The following CTNNA2 variants were observed in gnomAD, a reference collection of about 807,000 sequenced individuals.
CTNNA2 encodes the protein catenin alpha 2, also known as catenin alpha-2.
A neutral mutation model predicts 101.0 loss-of-function variants in CTNNA2; 42 were observed. The ratio of observed to expected loss-of-function variants is 0.42; its 90% CI spans 0.32 to 0.54. CTNNA2 has a LOEUF of 0.54. Among genes scored for constraint, CTNNA2 ranks in the 20% least tolerant of loss-of-function variants. CTNNA2 has a pLI of 0.14. For missense variants in CTNNA2, 871 were observed against 1,223.1 expected (o/e 0.71, Z 4.29); for synonymous variants, 450 against 456.4 (o/e 0.99, Z 0.18).
intron 7 of CTNNA2, among the ~76,000 whole-genome samples, chr2:80,277,993 T>C (rs941910853): frequency 6.6e-6 from 1 of 152,166 alleles, no homozygotes; most frequent in Non-Finnish European, 1.5e-5. Context: ...TTCATTGATT[T>C]TGTCTTTCTG....
intron 1 of CTNNA2, among the ~76,000 whole-genome samples, chr2:79,616,558 ACCATTG>A (rs1417983748): frequency 2.0e-5 from 3 of 152,210 alleles, no homozygotes; most frequent in Non-Finnish European, 4.4e-5. Context: ...GCTACAACTT[ACCATTG>A]TAAAAACCAC....
chr2:79,671,362 GAGTAC>G (rs1307433203), intron 2 of CTNNA2, among the ~76,000 whole-genome samples: 1 of 152,190 alleles, frequency 6.6e-6, no homozygotes, highest in Non-Finnish European at 1.5e-5. Flanking sequence ...TCAAGTTCCT[GAGTAC>G]TTTTTCCCCA....
intron 7 of CTNNA2, among the ~76,000 whole-genome samples, chr2:80,094,656 T>C (rs1033108036): frequency 1.6e-4 from 25 of 152,198 alleles, no homozygotes; most frequent in Non-Finnish European, 2.8e-4. Flanking sequence ...TGTTCTTCCA[T>C]TTGTTTGTAT....
chr2:80,469,274 T>A (rs746581730), intron 9 of CTNNA2, among the ~76,000 whole-genome samples: 9 of 152,220 alleles, frequency 5.9e-5, no homozygotes, highest in Non-Finnish European at 1.3e-4. Context: ...AAGAAGTTCA[T>A]TATATGCCTG....
intron 2 of CTNNA2, among the ~76,000 whole-genome samples, chr2:79,259,913 G>C (rs563064623): frequency 5.3e-5 from 8 of 152,344 alleles, no homozygotes; most frequent in African/African-American, 1.9e-4. Flanking sequence ...TATTTGGTCA[G>C]TTTGGGTGCA....
At chr2:80,557,857 T>A (rs920044417) in intron 12 of CTNNA2, among the ~76,000 whole-genome samples, 3 of 152,250 alleles carry the variant, frequency 2.0e-5, no homozygotes, top group South Asian at 2.1e-4. Flanking sequence ...TTTCTACTTT[T>A]AAAAAAACAA....
At chr2:80,100,910 C>T (rs2148841227) in intron 7 of CTNNA2, among the ~76,000 whole-genome samples, 1 of 152,272 alleles carries the variant, frequency 6.6e-6, no homozygotes, top group East Asian at 1.9e-4. Context: ...CTCTAACTTC[C>T]AGTTGTCAGT....
chr2:79,624,001 C>T (rs979470412), intron 1 of CTNNA2, among the ~76,000 whole-genome samples: 3 of 151,998 alleles, frequency 2.0e-5, no homozygotes, highest in African/African-American at 7.2e-5. Context: ...TCTCTCTCCC[C>T]CGTACAGTCT....
At chr2:79,463,548 C>T (rs1311828836) in intron 4 of CTNNA2, among the ~76,000 whole-genome samples, 1 of 152,136 alleles carries the variant, frequency 6.6e-6, no homozygotes, top group Non-Finnish European at 1.5e-5. Context: ...GGGCAGCCAC[C>T]TAGAACATTC....
chr2:79,576,186 A>G (rs774079727), intron 1 of CTNNA2, among the ~76,000 whole-genome samples: 11 of 152,220 alleles, frequency 7.2e-5, no homozygotes, highest in Non-Finnish European at 1.3e-4. Context: ...TAGTGGTGGC[A>G]ATTTCAATGG....
At chr2:79,296,387 T>G (rs1391573311) in intron 2 of CTNNA2, among the ~76,000 whole-genome samples, 1 of 152,202 alleles carries the variant, frequency 6.6e-6, no homozygotes, top group African/African-American at 2.4e-5. Flanking sequence ...AGGAAAGAAT[T>G]AAAGATTTTA....
intron 6 of CTNNA2, among the ~76,000 whole-genome samples, chr2:79,908,667 C>T (rs183827224): frequency 2.0e-5 from 3 of 152,294 alleles, no homozygotes; most frequent in Admixed American, 2.0e-4. Context: ...TTTCTGACTA[C>T]CCTTTCTGTC....
intron 2 of CTNNA2, among the ~76,000 whole-genome samples, chr2:79,713,718 C>T (rs1004638632): frequency 6.6e-6 from 1 of 152,128 alleles, no homozygotes; most frequent in Non-Finnish European, 1.5e-5. Context: ...ACTGAATTCC[C>T]TGTTCATTTA....
intron 4 of CTNNA2, among the ~76,000 whole-genome samples, chr2:79,388,768 T>A (rs1179271565): frequency 6.6e-6 from 1 of 151,858 alleles, no homozygotes; most frequent in African/African-American, 2.4e-5. Context: ...ACCATCCTTT[T>A]TCTTTCTCTC....
chr2:80,631,374 T>TC (rs1672279107), intron 18 of CTNNA2, among the ~76,000 whole-genome samples: 3 of 151,956 alleles, frequency 2.0e-5, no homozygotes, highest in Non-Finnish European at 4.4e-5. Context: ...TTTTTTTTTT[T>TC]TTTTTTAGCA....
chr2:79,730,169 C>A (rs1292990957), intron 2 of CTNNA2, among the ~76,000 whole-genome samples: 1 of 152,058 alleles, frequency 6.6e-6, no homozygotes, highest in African/African-American at 2.4e-5. Context: ...TGACTTCTGG[C>A]AGGCAAATTG....
At chr2:80,522,460 T>A (rs892879989) in intron 9 of CTNNA2, among the ~76,000 whole-genome samples, 19 of 152,298 alleles carry the variant, frequency 1.2e-4, no homozygotes, top group African/African-American at 2.9e-4. Context: ...GACCGTTGCA[T>A]TGAAGGGGTT....
chr2:80,467,701 A>G (rs1422596564), intron 9 of CTNNA2, among the ~76,000 whole-genome samples: 2 of 152,126 alleles, frequency 1.3e-5, no homozygotes, highest in East Asian at 1.9e-4. Flanking sequence ...CTAATTCCCA[A>G]TGTAATAGTA....
intron 4 of CTNNA2, among the ~76,000 whole-genome samples, chr2:79,435,583 C>A (rs962617432): frequency 6.6e-6 from 1 of 152,200 alleles, no homozygotes; most frequent in Non-Finnish European, 1.5e-5. Context: ...GGTTATCCCT[C>A]TCAGATGAAA....
Sources: allele counts gnomAD v4.1 joint callset (sites outside exome capture counted in the v4.1 genomes callset), GRCh38; gene constraint gnomAD v4.1.1; transcripts MANE v1.5; gene names NCBI Gene and HGNC (gene_info 2026-07-23, HGNC 2026-07-21).